NDUFS4: variants seen among roughly 807,000 people sequenced by gnomAD.
The protein encoded by NDUFS4 is NADH:ubiquinone oxidoreductase subunit S4.
Under a neutral mutation model 24.3 loss-of-function variants are expected in NDUFS4, and 28 were observed. The observed-to-expected ratio is 1.15, with a 90% confidence interval of 0.85 to 1.58. NDUFS4 has a LOEUF of 1.58. NDUFS4 is among the 40% of genes most tolerant of loss of function. The pLI, the probability that NDUFS4 is intolerant of heterozygous loss-of-function variation, is 0.00. For missense variants in NDUFS4, 223 were observed against 207.9 expected (o/e 1.07, Z -0.45); for synonymous variants, 93 against 69.7 (o/e 1.34, Z -1.67).
intron 3 of NDUFS4, among the ~76,000 whole-genome samples, chr5:53,647,615 G>C (rs1427153713): frequency 6.6e-6 from 1 of 152,202 alleles, no homozygotes; most frequent in Non-Finnish European, 1.5e-5. Context: ...CAAATGTTAA[G>C]TAGGAGGGCT....
intron 3 of NDUFS4, among the ~76,000 whole-genome samples, chr5:53,649,917 A>AT (rs1313703248): frequency 2.0e-5 from 3 of 152,068 alleles, no homozygotes; most frequent in Non-Finnish European, 4.4e-5. Context: ...GCTGTTGAGC[A>AT]TTTTTCGTGT....
At chr5:53,677,995 G>A (rs1740531753) in intron 4 of NDUFS4, among the ~76,000 whole-genome samples, 1 of 152,090 alleles carries the variant, frequency 6.6e-6, no homozygotes, top group South Asian at 2.1e-4. Context: ...TTGTATTACT[G>A]AACCATAAAT....
intron 2 of NDUFS4, among the ~76,000 whole-genome samples, chr5:53,618,167 G>A (rs1750912288): frequency 6.6e-6 from 1 of 152,132 alleles, no homozygotes; most frequent in Admixed American, 6.6e-5. Flanking sequence ...AGCTACCTGG[G>A]AGACTGAGGC....
At chr5:53,614,916 C>T (rs1750799089) in intron 2 of NDUFS4, among the ~76,000 whole-genome samples, 1 of 151,880 alleles carries the variant, frequency 6.6e-6, no homozygotes, top group African/African-American at 2.4e-5. Flanking sequence ...CTAGAGAGTA[C>T]TCATTTATAT....
At chr5:53,659,331 C>T (rs1050092455) in intron 4 of NDUFS4, among the ~76,000 whole-genome samples, 2 of 152,142 alleles carry the variant, frequency 1.3e-5, no homozygotes, top group Admixed American at 6.5e-5. Context: ...TGCAGTCAGA[C>T]TAATATGGAT....
At chr5:53,666,568 A>G (rs1291097836) in intron 4 of NDUFS4, among the ~76,000 whole-genome samples, 5 of 152,210 alleles carry the variant, frequency 3.3e-5, no homozygotes, top group Non-Finnish European at 7.3e-5. Context: ...CTATGTGCCT[A>G]GCACCTAGCA....
intron 2 of NDUFS4, among the ~76,000 whole-genome samples, chr5:53,635,685 A>T (rs1292025091): frequency 6.6e-6 from 1 of 152,216 alleles, no homozygotes; most frequent in African/African-American, 2.4e-5. Flanking sequence ...TCTGTTAAAC[A>T]TACTGGTTTT....
intron 1 of NDUFS4, among the ~76,000 whole-genome samples, chr5:53,582,246 TA>T (rs1168881967): frequency 1.6e-5 from 2 of 124,240 alleles, no homozygotes; most frequent in Admixed American, 7.6e-5. Context: ...AAAATAAAAT[TA>T]AATTAAAATA....
chr5:53,588,279 G>A (rs1472798845), intron 1 of NDUFS4, among the ~76,000 whole-genome samples: 1 of 152,164 alleles, frequency 6.6e-6, no homozygotes, highest in African/African-American at 2.4e-5. Flanking sequence ...AGCCTTCAGT[G>A]GGGTTCTCTT....
At chr5:53,621,950 T>G (rs1027999504) in intron 2 of NDUFS4, among the ~76,000 whole-genome samples, 4 of 152,076 alleles carry the variant, frequency 2.6e-5, no homozygotes, top group African/African-American at 9.7e-5. Context: ...TCTGCCCGTC[T>G]CGGCCTCCCA....
At chr5:53,604,621 T>A (rs1462899526) in intron 2 of NDUFS4, 1 of 382,282 alleles carries the variant, frequency 2.6e-6, no homozygotes, top group East Asian at 7.2e-5. Flanking sequence ...ATTGTCACCC[T>A]CTTTTCGTCC....
At chr5:53,586,587 A>G (rs1186883665) in intron 1 of NDUFS4, among the ~76,000 whole-genome samples, 2 of 152,078 alleles carry the variant, frequency 1.3e-5, no homozygotes, top group African/African-American at 2.4e-5. Flanking sequence ...CAGTGGCGCA[A>G]TCTTGGCTCA....
chr5:53,649,497 G>A (rs1015751434), intron 3 of NDUFS4, among the ~76,000 whole-genome samples: 1 of 152,092 alleles, frequency 6.6e-6, no homozygotes, highest in African/African-American at 2.4e-5. Flanking sequence ...TAGGATGATG[G>A]CCTCCACCTT....
intron 1 of NDUFS4, among the ~76,000 whole-genome samples, chr5:53,591,707 G>A (rs1749965905): frequency 6.6e-6 from 1 of 152,148 alleles, no homozygotes; most frequent in Non-Finnish European, 1.5e-5. Context: ...CGATGAATGA[G>A]ACTTCTGTTC....
intron 3 of NDUFS4, among the ~76,000 whole-genome samples, chr5:53,653,389 G>C (rs1476619579): frequency 6.6e-6 from 1 of 152,160 alleles, no homozygotes; most frequent in Non-Finnish European, 1.5e-5. Context: ...CAGAAGCATT[G>C]CCTGTATCAT....
At chr5:53,642,503 G>C (rs866497863) in intron 2 of NDUFS4, among the ~76,000 whole-genome samples, 3 of 151,998 alleles carry the variant, frequency 2.0e-5, no homozygotes, top group Non-Finnish European at 2.9e-5. Context: ...AAAAGAGAGC[G>C]GCCAGCAAGA....
At chr5:53,585,386 A>T (rs1308700922) in intron 1 of NDUFS4, among the ~76,000 whole-genome samples, 1 of 152,152 alleles carries the variant, frequency 6.6e-6, no homozygotes, top group East Asian at 1.9e-4. Context: ...CCTAAACAGT[A>T]TGAGGGCCTG....
At chr5:53,674,075 A>G (rs1740376132) in intron 4 of NDUFS4, among the ~76,000 whole-genome samples, 1 of 152,236 alleles carries the variant, frequency 6.6e-6, no homozygotes, top group African/African-American at 2.4e-5. Flanking sequence ...AAAATAGAAA[A>G]GCACATATTT....
At chr5:53,652,861 G>T (rs973373958) in intron 3 of NDUFS4, among the ~76,000 whole-genome samples, 1 of 151,582 alleles carries the variant, frequency 6.6e-6, no homozygotes, top group Admixed American at 6.6e-5. Context: ...CCTTGATCCT[G>T]TTTCAGGGAG....
Sources: gnomAD v4.1 joint callset for allele counts (sites outside exome capture counted in the v4.1 genomes callset) on GRCh38, gnomAD v4.1.1 for gene constraint, MANE v1.5 for transcripts, NCBI Gene and HGNC (gene_info 2026-07-23, HGNC 2026-07-21) for gene names.